Variants in CACNA2D3 observed in about 807,000 individuals in gnomAD.
The protein encoded by CACNA2D3 is calcium voltage-gated channel auxiliary subunit alpha2delta 3.
In CACNA2D3, 60 loss-of-function variants were observed where a neutral mutation model predicts 160.6. The ratio of observed to expected loss-of-function variants is 0.37; its 90% CI spans 0.30 to 0.46. The LOEUF (loss-of-function observed/expected upper bound fraction) is 0.46, where lower values mean the gene tolerates loss of function less well. Ranked by LOEUF, CACNA2D3 falls within the 20% of genes least tolerant of loss-of-function variation. The pLI is 1.00. For missense variants in CACNA2D3, 1,205 were observed against 1,365.0 expected (o/e 0.88, Z 1.85); for synonymous variants, 558 against 492.9 (o/e 1.13, Z -1.75).
At chr3:54,905,715 G>A (rs930926352) in intron 27 of CACNA2D3, among the ~76,000 whole-genome samples, 4 of 152,124 alleles carry the variant, frequency 2.6e-5, no homozygotes, top group Admixed American at 6.5e-5. Flanking sequence ...GTGGGTAGAG[G>A]TCAGGAATGG....
intron 27 of CACNA2D3, among the ~76,000 whole-genome samples, chr3:54,960,239 T>C (rs1360534687): frequency 6.6e-6 from 1 of 152,266 alleles, no homozygotes; most frequent in East Asian, 1.9e-4. Context: ...TGCGGCCTTG[T>C]CAATGGTGTG....
intron 3 of CACNA2D3, among the ~76,000 whole-genome samples, chr3:54,361,932 G>T (rs1168098942): frequency 6.6e-6 from 1 of 152,212 alleles, no homozygotes; most frequent in Non-Finnish European, 1.5e-5. Flanking sequence ...ACTTTACTCA[G>T]CATGCAGATA....
chr3:55,021,699 A>G (rs947793986), intron 35 of CACNA2D3, among the ~76,000 whole-genome samples: 12 of 139,428 alleles, frequency 8.6e-5, no homozygotes, highest in East Asian at 3.9e-4. Flanking sequence ...ATATGTGTGT[A>G]TATATATATG....
intron 35 of CACNA2D3, among the ~76,000 whole-genome samples, chr3:55,060,795 A>G (rs1559476912): frequency 6.6e-6 from 1 of 152,248 alleles, no homozygotes; most frequent in Non-Finnish European, 1.5e-5. Flanking sequence ...TTGAAAAACT[A>G]AAATGATAGC....
intron 9 of CACNA2D3, among the ~76,000 whole-genome samples, chr3:54,588,285 C>T (rs1407596648): frequency 6.6e-6 from 1 of 152,128 alleles, no homozygotes; most frequent in Non-Finnish European, 1.5e-5. Context: ...AAATACAAAA[C>T]TTCTCAGTGC....
intron 30 of CACNA2D3, among the ~76,000 whole-genome samples, chr3:54,985,704 C>T (rs1377016846): frequency 6.6e-6 from 1 of 152,154 alleles, no homozygotes; most frequent in Non-Finnish European, 1.5e-5. Flanking sequence ...ATGATAGGTT[C>T]ACTGCTTAAT....
At chr3:55,066,708 C>T (rs760944635) in intron 35 of CACNA2D3, among the ~76,000 whole-genome samples, 7 of 152,174 alleles carry the variant, frequency 4.6e-5, no homozygotes, top group Non-Finnish European at 8.8e-5. Flanking sequence ...TATTTCAGTT[C>T]TGGCAATGGA....
intron 2 of CACNA2D3, among the ~76,000 whole-genome samples, chr3:54,278,231 A>AT (rs1277853284): frequency 1.3e-5 from 2 of 152,258 alleles, no homozygotes; most frequent in African/African-American, 4.8e-5. Flanking sequence ...CAACAAACAT[A>AT]TGAAAAAAAG....
At chr3:54,682,084 T>A (rs929057622) in intron 11 of CACNA2D3, among the ~76,000 whole-genome samples, 1 of 152,076 alleles carries the variant, frequency 6.6e-6, no homozygotes, top group East Asian at 1.9e-4. Flanking sequence ...GAATCATGTG[T>A]GCGTGATTGC....
chr3:54,491,264 CT>C (rs1701104381), intron 4 of CACNA2D3, among the ~76,000 whole-genome samples: 1 of 152,170 alleles, frequency 6.6e-6, no homozygotes, highest in Non-Finnish European at 1.5e-5. Context: ...CCAGTTGGCT[CT>C]ACAGCATGCA....
intron 2 of CACNA2D3, among the ~76,000 whole-genome samples, chr3:54,123,907 T>C (rs897701825): frequency 6.6e-6 from 1 of 152,170 alleles, no homozygotes; most frequent in Non-Finnish European, 1.5e-5. Flanking sequence ...CCAGAGCAGA[T>C]GCTCCTCGGG....
intron 13 of CACNA2D3, among the ~76,000 whole-genome samples, chr3:54,799,266 T>G (rs1229639251): frequency 6.6e-6 from 1 of 152,228 alleles, no homozygotes; most frequent in Non-Finnish European, 1.5e-5. Flanking sequence ...CTAAAAAATA[T>G]GGCACCAGCA....
intron 12 of CACNA2D3, among the ~76,000 whole-genome samples, chr3:54,755,309 G>A (rs947891646): frequency 6.6e-6 from 1 of 152,038 alleles, no homozygotes; most frequent in African/African-American, 2.4e-5. Context: ...TCTGTGGGGG[G>A]GCTCAGCATT....
intron 4 of CACNA2D3, among the ~76,000 whole-genome samples, chr3:54,393,929 G>T (rs992015187): frequency 5.9e-5 from 9 of 152,164 alleles, no homozygotes; most frequent in Non-Finnish European, 1.2e-4. Flanking sequence ...TGCCTTCCAG[G>T]ATGCAAGCAG....
intron 9 of CACNA2D3, among the ~76,000 whole-genome samples, chr3:54,607,773 C>G (rs998959610): frequency 3.3e-5 from 5 of 152,170 alleles, no homozygotes; most frequent in African/African-American, 1.2e-4. Flanking sequence ...CAAAGACTTG[C>G]ACATGAATGC....
intron 4 of CACNA2D3, among the ~76,000 whole-genome samples, chr3:54,494,929 G>A (rs779036419): frequency 2.6e-5 from 4 of 152,158 alleles, no homozygotes; most frequent in Non-Finnish European, 4.4e-5. Flanking sequence ...AGGGGAAACT[G>A]CTCCCATGAT....
Position 54,642,162 on chromosome 3 carries a change from A to G in CACNA2D3, c.1088A>G (p.Gln363Arg), listed in dbSNP as rs1347589507. The change falls in exon 11 of 38, where the codon CAG becomes CGG. Residue 363 changes from glutamine (Q) to arginine (R), a missense_variant. Gln to Arg is a conservative substitution (Grantham distance 43, BLOSUM62 1). Coordinates refer to ENST00000474759, the MANE Select transcript of CACNA2D3 (RefSeq NM_018398.3). Reference protein sequence around the residue: ...NHTGQGSICSQAIMLITDGAV... With the variant: ...NHTGQGSICSRAIMLITDGAV... ...ACGGGACAAGGAAGTATCTGCAGTC[A>G]GGCCATCATGCTCATAACTGATGGG... 2.5e-6 allele frequency: 4 copies of G among 1,613,118 alleles called. No homozygotes were observed. The highest frequency in any genetic ancestry group is 3.4e-6 in the Non-Finnish European group (4 of 1,179,576).
At chr3:54,566,873 A>G (rs1175138027) in intron 6 of CACNA2D3, among the ~76,000 whole-genome samples, 1 of 152,206 alleles carries the variant, frequency 6.6e-6, no homozygotes, top group Non-Finnish European at 1.5e-5. Context: ...AGAGTTCTCC[A>G]TAAGTTTGGA....
intron 27 of CACNA2D3, among the ~76,000 whole-genome samples, chr3:54,958,013 T>C (rs1248023887): frequency 6.6e-6 from 1 of 152,196 alleles, no homozygotes; most frequent in Non-Finnish European, 1.5e-5. Context: ...AATTGATATC[T>C]CCATCCACAT....
Sources: gnomAD v4.1 joint callset for allele counts (sites outside exome capture counted in the v4.1 genomes callset) on GRCh38, gnomAD v4.1.1 for gene constraint, MANE v1.5 for transcripts, NCBI Gene and HGNC (gene_info 2026-07-23, HGNC 2026-07-21) for gene names.